Variants in MINDY3 observed in about 807,000 individuals in gnomAD.
The protein encoded by MINDY3 is ubiquitin carboxyl-terminal hydrolase MINDY-3.
In MINDY3, 38 loss-of-function variants were observed where a neutral mutation model predicts 69.2. That is an observed-to-expected ratio of 0.55 (90% CI 0.42 to 0.72). The LOEUF (loss-of-function observed/expected upper bound fraction) is 0.72. Among genes scored for constraint, MINDY3 ranks in the 30% least tolerant of loss-of-function variants. MINDY3 has a pLI of 0.00. For missense variants in MINDY3, 522 were observed against 519.0 expected, an observed-to-expected ratio of 1.01 and a Z score of -0.06; for synonymous variants, 192 against 180.1, an observed-to-expected ratio of 1.07 and a Z score of -0.53.
At chr10:15,822,819 CA>C (rs1218630939) in intron 8 of MINDY3, among the ~76,000 whole-genome samples, 1 of 151,966 alleles carries the variant, frequency 6.6e-6, no homozygotes, top group Non-Finnish European at 1.5e-5. Context: ...AGAACAGACA[CA>C]ACGCAGGGAA....
intron 11 of MINDY3, among the ~76,000 whole-genome samples, chr10:15,792,133 C>A (rs1588519223): frequency 6.6e-6 from 1 of 151,952 alleles, no homozygotes; most frequent in African/African-American, 2.4e-5. Flanking sequence ...TTTAATAAAG[C>A]CTTAGTATTT....
At chr10:15,802,905 A>T (rs1017509650) in intron 10 of MINDY3, among the ~76,000 whole-genome samples, 1 of 152,166 alleles carries the variant, frequency 6.6e-6, no homozygotes, top group Non-Finnish European at 1.5e-5. Flanking sequence ...TCTTAATCAC[A>T]CCACTTAAAA....
At chr10:15,794,472 T>G (rs1371969799) in intron 11 of MINDY3, among the ~76,000 whole-genome samples, 2 of 152,124 alleles carry the variant, frequency 1.3e-5, no homozygotes, top group African/African-American at 4.8e-5. Context: ...AAGTCATATA[T>G]AGAGGCATAC....
chr10:15,851,842 C>T (rs1439569018), intron 1 of MINDY3, among the ~76,000 whole-genome samples: 2 of 152,108 alleles, frequency 1.3e-5, no homozygotes, highest in Non-Finnish European at 2.9e-5. Flanking sequence ...AAAACCCAAA[C>T]TCCTTTCTGT....
chr10:15,805,548 C>T (rs1437471763), intron 10 of MINDY3, among the ~76,000 whole-genome samples: 1 of 152,060 alleles, frequency 6.6e-6, no homozygotes, highest in East Asian at 1.9e-4. Context: ...TATTATTGTT[C>T]CCAATTAGTT....
At chr10:15,781,410 T>C (rs1224703514) in intron 14 of MINDY3, among the ~76,000 whole-genome samples, 1 of 148,758 alleles carries the variant, frequency 6.7e-6, no homozygotes, top group Admixed American at 6.7e-5. Context: ...ATTATATATA[T>C]ATATATATAC....
intron 8 of MINDY3, among the ~76,000 whole-genome samples, chr10:15,827,636 G>A (rs1564502881): frequency 6.6e-6 from 1 of 152,044 alleles, no homozygotes; most frequent in Non-Finnish European, 1.5e-5. Flanking sequence ...AAGGCTGGGT[G>A]ACAATATTTG....
intron 2 of MINDY3, among the ~76,000 whole-genome samples, chr10:15,846,703 G>T (rs1833868146): frequency 6.7e-6 from 1 of 150,134 alleles, no homozygotes. Flanking sequence ...AATTTACTTT[G>T]TAGCCAACAG....
chr10:15,818,285 A>AG (rs1182177657), intron 9 of MINDY3, among the ~76,000 whole-genome samples: 2 of 152,088 alleles, frequency 1.3e-5, no homozygotes, highest in African/African-American at 4.8e-5. Context: ...CCTTTCTTTC[A>AG]GAAAAAGTGT....
intron 7 of MINDY3, among the ~76,000 whole-genome samples, chr10:15,833,920 A>G (rs1398741965): frequency 6.6e-6 from 1 of 152,130 alleles, no homozygotes; most frequent in Non-Finnish European, 1.5e-5. Flanking sequence ...TGTTCTACAT[A>G]TTCACATACA....
chr10:15,836,823 G>A (rs1355784738), intron 6 of MINDY3, among the ~76,000 whole-genome samples: 1 of 151,434 alleles, frequency 6.6e-6, no homozygotes, highest in East Asian at 1.9e-4. Context: ...AGAATCGTGA[G>A]ACATTATAGA....
chr10:15,847,435 A>G (rs1398212602), intron 2 of MINDY3, among the ~76,000 whole-genome samples: 1 of 152,236 alleles, frequency 6.6e-6, no homozygotes, highest in Non-Finnish European at 1.5e-5. Context: ...AACTTTTTTC[A>G]AATTTGAAAA....
intron 10 of MINDY3, among the ~76,000 whole-genome samples, chr10:15,798,682 AG>A (rs773381447): frequency 1.3e-5 from 2 of 152,122 alleles, no homozygotes; most frequent in Non-Finnish European, 2.9e-5. Context: ...TGGGAGGCTG[AG>A]GCAGGAAAAT....
chr10:15,783,821 T>A (rs1836739421), intron 13 of MINDY3, among the ~76,000 whole-genome samples: 3 of 152,168 alleles, frequency 2.0e-5, no homozygotes, highest in Admixed American at 2.0e-4. Flanking sequence ...CTCTTGGCTA[T>A]CAGAGTTAAA....
At chr10:15,818,316 G>T (rs1170001602) in intron 9 of MINDY3, among the ~76,000 whole-genome samples, 3 of 147,274 alleles carry the variant, frequency 2.0e-5, no homozygotes, top group Non-Finnish European at 4.5e-5. Context: ...TAAGGTAGAA[G>T]TAAAAAAAAA....
intron 10 of MINDY3, among the ~76,000 whole-genome samples, chr10:15,801,208 A>G (rs897608515): frequency 6.6e-6 from 1 of 152,180 alleles, no homozygotes; most frequent in Non-Finnish European, 1.5e-5. Flanking sequence ...AAGGACATTT[A>G]TAAGTAAGGA....
At chr10:15,822,455 G>A (rs950205495) in intron 8 of MINDY3, among the ~76,000 whole-genome samples, 4 of 152,126 alleles carry the variant, frequency 2.6e-5, no homozygotes, top group African/African-American at 9.7e-5. Flanking sequence ...CCAAAAAGAG[G>A]ATGACAAGAA....
Position 15,848,633 on chromosome 10 carries a change from C to CAAAAAAAAAAA in MINDY3, c.95-701_95-691dup, listed in dbSNP as rs10719399. ...TGGGCCACAGAGCTAGACTTCATCT[C>CAAAAAAAAAAA]AAAAAAAAAAAAAAAAAAAAAAAAA... On this transcript the variant is annotated intron_variant, in intron 1 of 14. Coordinates refer to ENST00000277632, the MANE Select transcript of MINDY3 (RefSeq NM_024948.4). Among the ~76,000 whole-genome samples, 54 of 48,802 alleles carry CAAAAAAAAAAA rather than the reference C, an allele frequency of 1.1e-3. 1 individual carries two copies. The highest frequency in any genetic ancestry group is 2.9e-3 in the African/African-American group (21 of 7,162). 32.0% of individuals were successfully genotyped at this position (48,802 alleles called of 152,430 possible). A position where few individuals can be genotyped will look rare whatever the true frequency, so the allele number is the denominator to read the frequency against.
At chr10:15,836,500 A>C (rs1833094226) in intron 6 of MINDY3, among the ~76,000 whole-genome samples, 1 of 152,044 alleles carries the variant, frequency 6.6e-6, no homozygotes, top group Admixed American at 6.6e-5. Context: ...ATCAACGCTC[A>C]AAAAACATTT....
Sources: gnomAD v4.1 joint callset for allele counts (sites outside exome capture counted in the v4.1 genomes callset) on GRCh38, gnomAD v4.1.1 for gene constraint, MANE v1.5 for transcripts, NCBI Gene and HGNC (gene_info 2026-07-23, HGNC 2026-07-21) for gene names.